KANK3: variants seen among roughly 807,000 people sequenced by gnomAD.
KANK3 encodes the protein KN motif and ankyrin repeat domain-containing protein 3.
In KANK3, 61 loss-of-function variants were observed where a neutral mutation model predicts 65.4. The ratio of observed to expected loss-of-function variants is 0.93; its 90% confidence interval spans 0.76 to 1.15. The LOEUF (loss-of-function observed/expected upper bound fraction) is 1.15. Among genes scored for constraint, KANK3 ranks in the 50% most tolerant of loss-of-function variants. The pLI is 0.00. For synonymous variants in KANK3, 586 were observed against 543.3 expected, an observed-to-expected ratio of 1.08 and a Z score of -1.09; for missense variants, 1,187 against 1,178.8, an observed-to-expected ratio of 1.01 and a Z score of -0.10.
intron 7 of KANK3, among the ~76,000 whole-genome samples, chr19:8,332,272 G>A (rs1406443870): frequency 6.6e-6 from 1 of 151,896 alleles, no homozygotes; most frequent in East Asian, 2.0e-4. Context: ...CTGCCTCCCA[G>A]GTTCAAGCAA....
intron 7 of KANK3, among the ~76,000 whole-genome samples, chr19:8,331,488 C>CT (rs1264973730): frequency 6.6e-6 from 1 of 152,166 alleles, no homozygotes; most frequent in Non-Finnish European, 1.5e-5. Context: ...TGGGACCCGC[C>CT]TCAACCTGCA....
chr19:8,327,849 G>A (rs762684211), intron 7 of KANK3, among the ~76,000 whole-genome samples: 19 of 152,314 alleles, frequency 1.2e-4, no homozygotes, highest in South Asian at 2.1e-4. Flanking sequence ...CTAAGACACC[G>A]TGTAAGGCGT....
At position 8,324,769 on chromosome 19, in the gene KANK3, A is replaced by G. The variant is rs761132123; in HGVS notation, c.2144T>C (p.Leu715Pro). ...SHGRQDMVAT[L>P]LACGADVNAQ... The stretch of plus-strand genomic sequence containing the variant: ...ATTCACATCAGCCCCACACGCCAGT[A>G]GGGTTGCCACCATGTCCTGTCGGCC... The change falls in exon 9 of 11, where the codon CTA (leucine) becomes CCA (proline). Residue 715 changes from leucine (L) to proline (P), a missense_variant. Coordinates refer to ENST00000330915, the MANE Select transcript of KANK3 (RefSeq NM_198471.3). The G allele has an allele frequency of 1.9e-6, 3 of 1,614,062 alleles. No individual in the cohort carries two copies. The African/African-American group carries it at 4.0e-5, about 21-fold the overall frequency.
rs1568569343 is a variant in KANK3, at chr19:8,324,552, G to A, written c.2284-5C>T. The A allele has an allele frequency of 5.6e-6, 9 of 1,613,634 alleles. No homozygotes were observed. The highest frequency in any genetic ancestry group is 7.6e-6 in the Non-Finnish European group (9 of 1,179,728). ...GGCCAGGGCACTGGTGCCCTCCTGT[G>A]GAACGTTAGGGACAGTCAGATCCCT... On this transcript the variant is annotated splice_polypyrimidine_tract_variant and splice_region_variant and intron_variant, in intron 9 of 10. Transcript: ENST00000330915.
intron 1 of KANK3, among the ~76,000 whole-genome samples, chr19:8,342,872 A>G (rs1273563624): frequency 6.6e-6 from 1 of 151,960 alleles, no homozygotes; most frequent in Non-Finnish European, 1.5e-5. Context: ...CATTTCCGTG[A>G]CACGCTCCCA....
chr19:8,326,810 A>C (rs2913947), intron 7 of KANK3, among the ~76,000 whole-genome samples: 22,718 of 151,538 alleles, frequency 0.15, 2,076 homozygotes, highest in Non-Finnish European at 0.21. Context: ...GAAAAAAAAA[A>C]AAAAACCTGC....
chr19:8,333,026 G>A lies in KANK3; in HGVS notation c.1924C>T (p.Leu642Phe), dbSNP rs142931419. The A allele has an allele frequency of 6.8e-4, 854 of 1,259,820 alleles. No individual in the cohort carries two copies. The highest frequency in any genetic ancestry group is 8.1e-4 in the Non-Finnish European group (755 of 933,018). 78.0% of individuals were successfully genotyped at this position (1,259,820 alleles called of 1,614,324 possible). ...SHGNLAIASL[L>F]LDTGACEVNR... ...CCTTGGCTCTGACCCGTATCCAGGA[G>A]CAGGCTTGCGATGGCCAGGTTCCCG... Residue 642 changes from leucine to phenylalanine, a missense_variant, in exon 7 of 11, where the codon CTC becomes TTC. By Grantham distance (22) the Leu-to-Phe change is conservative (BLOSUM62 0). This residue lies in a region of KANK3 where 1,078 missense variants were observed against 1,038.2 expected (regional missense o/e 1.04). Coordinates refer to ENST00000330915, the MANE Select transcript of KANK3 (RefSeq NM_198471.3). The surrounding 1 kb of genome is among the most constrained non-coding windows in gnomAD (Gnocchi z 5.0).
chr19:8,327,898 G>A (rs1970456684), intron 7 of KANK3, among the ~76,000 whole-genome samples: 1 of 152,160 alleles, frequency 6.6e-6, no homozygotes, highest in South Asian at 2.1e-4. Flanking sequence ...TAACCAGAGT[G>A]GGGTCCTTGC....
chr19:8,337,448 G>C (rs566137314), intron 2 of KANK3, among the ~76,000 whole-genome samples: 1 of 151,958 alleles, frequency 6.6e-6, no homozygotes, highest in Non-Finnish European at 1.5e-5. Flanking sequence ...TGATCTGCCC[G>C]CCTCGGCCTC....
At chr19:8,335,923 C>T (rs1599651172) in intron 2 of KANK3, 131 bp from the exon 3 acceptor site, 1 of 621,314 alleles carries the variant, frequency 1.6e-6, no homozygotes. Context: ...TTAACTCAAT[C>T]GCTTGTTTAA....
At chr19:8,326,809 A>C (rs1028155951) in intron 7 of KANK3, among the ~76,000 whole-genome samples, 2 of 82,244 alleles carry the variant, frequency 2.4e-5, no homozygotes, top group Non-Finnish European at 4.9e-5. Flanking sequence ...AGAAAAAAAA[A>C]AAAAAACCTG....
At chr19:8,332,965 T>TA in intron 7 of KANK3, 49 bp downstream of exon 7, 24 of 1,128,398 alleles carry the variant, frequency 2.1e-5, no homozygotes, top group East Asian at 3.4e-5. Flanking sequence ...CCCTGCCCTC[T>TA]CCCCCCACCC....
chr19:8,332,982 T>TG, intron 7 of KANK3, 32 bp downstream of exon 7: 14 of 487,288 alleles, frequency 2.9e-5, no homozygotes, highest in South Asian at 6.4e-5. Context: ...ACCCATTTCC[T>TG]GGTGTCCCAC....
chr19:8,331,475 C>T (rs1432164717), intron 7 of KANK3, among the ~76,000 whole-genome samples: 1 of 152,114 alleles, frequency 6.6e-6, no homozygotes, highest in South Asian at 2.1e-4. Context: ...TGGGGGCAGG[C>T]AGTGGGACCC....
At chr19:8,337,641 C>T (rs1463022488) in intron 2 of KANK3, among the ~76,000 whole-genome samples, 154 bp downstream of exon 2, 6 of 152,052 alleles carry the variant, frequency 3.9e-5, no homozygotes, top group Non-Finnish European at 5.9e-5. Context: ...CCACCGCACC[C>T]GGCCATGATT....
In KANK3 at chr19:8,325,020, C is replaced by T. The variant is rs780264512; in HGVS notation, c.2013G>A (p.Gln671=). The change falls in exon 8 of 11, where the codon CAG becomes CAA. Residue 671 remains glutamine (Q), a synonymous_variant. Coordinates refer to ENST00000330915, the MANE Select transcript of KANK3 (RefSeq NM_198471.3). ...GGACCACAGCCATGTCCTCCTCTTCCTGCCTCACAGAGGTGAGTGCAGCCA... is the reference window on the plus strand; with the variant it reads ...GGACCACAGCCATGTCCTCCTCTTCTTGCCTCACAGAGGTGAGTGCAGCCA... ...LMLAALTSVR[Q]EEEDMAVVQR... 3 of 1,613,942 alleles carry T rather than the reference C, an allele frequency of 1.9e-6. No individual in the cohort carries two copies. The highest frequency in any genetic ancestry group is 2.7e-5 in the African/African-American group (2 of 75,034).
At chr19:8,340,699 C>T (rs1970713256) in intron 1 of KANK3, among the ~76,000 whole-genome samples, 2 of 152,182 alleles carry the variant, frequency 1.3e-5, no homozygotes, top group Non-Finnish European at 2.9e-5. Context: ...CCTACTCCAC[C>T]GCTGGGGAAA....
chr19:8,325,021 T>C lies in KANK3; in HGVS notation c.2012A>G (p.Gln671Arg). ...GACCACAGCCATGTCCTCCTCTTCC[T>C]GCCTCACAGAGGTGAGTGCAGCCAG... ...LMLAALTSVRQEEEDMAVVQR... is the reference protein window; with the variant it reads ...LMLAALTSVRREEEDMAVVQR... Residue 671 changes from glutamine to arginine, a missense_variant, in exon 8 of 11, where the codon CAG (glutamine) becomes CGG (arginine). Gln to Arg is a conservative substitution (Grantham distance 43). Coordinates refer to ENST00000330915, the MANE Select transcript of KANK3 (RefSeq NM_198471.3). The C allele has an allele frequency of 1.2e-6, 2 of 1,613,936 alleles. No homozygotes were observed. The highest frequency in any genetic ancestry group is 8.5e-7 in the Non-Finnish European group (1 of 1,180,020).
rs921884078 is a variant in KANK3 at position 8,333,708 on chromosome 19, C to G, written c.1719+16G>C. On this transcript the variant is annotated intron_variant, in intron 6 of 10. Coordinates refer to ENST00000330915, the MANE Select transcript of KANK3 (RefSeq NM_198471.3). This position sits in a 1 kb window ranked among gnomAD's most constrained non-coding sequence, Gnocchi z 5.0. ...TCCCACGCCACTCCCTGGTGCTGCG[C>G]TCCCGGGGCACTCACGCCGTCGCTG... 1 of 1,446,314 alleles carries G rather than the reference C, an allele frequency of 6.9e-7. No homozygotes were observed. Among genetic ancestry groups the G allele is most frequent in the Non-Finnish European group, 9.1e-7 (1 of 1,097,924 alleles). The allele number at this position is 1,446,314 out of a possible 1,614,324, so 89.6% of individuals were successfully genotyped here. A position where few individuals can be genotyped will look rare whatever the true frequency, so the allele number is the denominator to read the frequency against.
Sources: gnomAD v4.1 joint callset for allele counts (sites outside exome capture counted in the v4.1 genomes callset) on GRCh38, gnomAD v4.1.1 for gene constraint, gnomAD v4.1.1 regional missense constraint, Gnocchi (gnomAD v3.1) non-coding constraint, MANE v1.5 for transcripts, NCBI Gene and HGNC (gene_info 2026-07-23, HGNC 2026-07-21) for gene names.